Variants in MIPOL1 observed in about 807,000 individuals in gnomAD.
MIPOL1 encodes mirror-image polydactyly gene 1 protein.
Under a neutral mutation model 60.9 loss-of-function variants are expected in MIPOL1, and 57 were observed. The observed-to-expected ratio is 0.94, with a 90% CI of 0.76 to 1.17. The LOEUF is 1.17. MIPOL1 is among the 50% of genes most tolerant of loss of function. The pLI is 0.00. For missense variants in MIPOL1, 551 were observed against 511.6 expected, an observed-to-expected ratio of 1.08 and a Z score of -0.74; for synonymous variants, 179 against 168.8, an observed-to-expected ratio of 1.06 and a Z score of -0.47.
intron 12 of MIPOL1, among the ~76,000 whole-genome samples, chr14:37,532,451 T>C (rs1417418766): frequency 2.6e-5 from 4 of 152,204 alleles, no homozygotes; most frequent in African/African-American, 9.6e-5. Flanking sequence ...TTTCAAGTCA[T>C]CTATGGTGCT....
At chr14:37,384,234 G>A (rs1363711818) in intron 10 of MIPOL1, among the ~76,000 whole-genome samples, 2 of 151,874 alleles carry the variant, frequency 1.3e-5, no homozygotes, top group African/African-American at 4.8e-5. Flanking sequence ...GCAATGCATG[G>A]ATGGATCTGA....
At chr14:37,481,900 T>C (rs778246508) in intron 11 of MIPOL1, among the ~76,000 whole-genome samples, 3 of 152,132 alleles carry the variant, frequency 2.0e-5, no homozygotes, top group African/African-American at 7.2e-5. Context: ...AAAAATGCAG[T>C]TGGACCCTTA....
chr14:37,472,950 GC>G (rs2094711681), intron 11 of MIPOL1, among the ~76,000 whole-genome samples: 1 of 152,060 alleles, frequency 6.6e-6, no homozygotes, highest in African/African-American at 2.4e-5. Flanking sequence ...ATTGTAACAG[GC>G]ATAACTGAAT....
intron 12 of MIPOL1, among the ~76,000 whole-genome samples, chr14:37,542,628 C>G (rs1338838455): frequency 6.6e-6 from 1 of 152,156 alleles, no homozygotes; most frequent in Non-Finnish European, 1.5e-5. Flanking sequence ...TCCTTCAACA[C>G]TTAGGCATCA....
rs1368267858 is a variant in MIPOL1, at chr14:37,547,035, CTG to C, written c.*68_*69del. On this transcript the variant is annotated 3_prime_UTR_variant, in exon 13 of 13. Coordinates refer to ENST00000684589, the MANE Select transcript of MIPOL1 (RefSeq NM_001388067.1). Reference sequence around the variant, plus strand: ...GGTGACCAGGCTGCTTCATTCAACACTGTGTAAACACCAAAGCCTTAACTTAG... The same window carrying C: ...GGTGACCAGGCTGCTTCATTCAACACTGTAAACACCAAAGCCTTAACTTAG... 1 of 1,376,540 alleles carries C rather than the reference CTG, an allele frequency of 7.3e-7. No individual in the cohort carries two copies. The highest frequency in any genetic ancestry group is 1.0e-6 in the Non-Finnish European group (1 of 967,408). 85.3% of individuals were successfully genotyped at this position (1,376,540 alleles called of 1,614,324 possible).
intron 9 of MIPOL1, among the ~76,000 whole-genome samples, chr14:37,318,598 C>A (rs1271275513): frequency 6.6e-6 from 1 of 151,706 alleles, no homozygotes; most frequent in Non-Finnish European, 1.5e-5. Flanking sequence ...TTTACAACTT[C>A]TTGAAAGTAT....
At chr14:37,462,614 AC>A (rs2094552741) in intron 11 of MIPOL1, among the ~76,000 whole-genome samples, 1 of 152,136 alleles carries the variant, frequency 6.6e-6, no homozygotes, top group African/African-American at 2.4e-5. Flanking sequence ...CTTTAACAGC[AC>A]CCAAGTCACC....
At chr14:37,278,121 A>G (rs1013484519) in intron 6 of MIPOL1, 1 of 151,610 alleles carries the variant, frequency 6.6e-6, no homozygotes, top group Admixed American at 6.6e-5. Context: ...AAAAAAACAA[A>G]TAGTCTGGTC....
chr14:37,325,422 A>G (rs1013615485), intron 9 of MIPOL1, among the ~76,000 whole-genome samples: 1 of 151,924 alleles, frequency 6.6e-6, no homozygotes, highest in Non-Finnish European at 1.5e-5. Flanking sequence ...AGGAATTTCA[A>G]TTTTGTTATT....
chr14:37,318,520 G>A (rs1168136357), intron 9 of MIPOL1, among the ~76,000 whole-genome samples: 1 of 151,970 alleles, frequency 6.6e-6, no homozygotes, highest in Non-Finnish European at 1.5e-5. Context: ...ATGTTTTTCA[G>A]TCAGTCTTGC....
At chr14:37,359,761 C>T (rs182129648) in intron 9 of MIPOL1, among the ~76,000 whole-genome samples, 27 of 151,906 alleles carry the variant, frequency 1.8e-4, no homozygotes, top group Non-Finnish European at 8.8e-5. Context: ...TATACAATCA[C>T]GTAATCTGCA....
chr14:37,436,689 A>AT (rs2094168447), intron 11 of MIPOL1, among the ~76,000 whole-genome samples: 1 of 152,188 alleles, frequency 6.6e-6, no homozygotes, highest in Non-Finnish European at 1.5e-5. Context: ...ATCCGTCAGT[A>AT]TTTTTAAGAC....
intron 10 of MIPOL1, among the ~76,000 whole-genome samples, chr14:37,392,680 T>C (rs1005101555): frequency 7.2e-5 from 11 of 152,188 alleles, no homozygotes; most frequent in Non-Finnish European, 1.5e-4. Flanking sequence ...CCTTTATCCC[T>C]GTGAGAAAGT....
chr14:37,353,965 C>A (rs1388854812), intron 9 of MIPOL1, among the ~76,000 whole-genome samples: 1 of 151,762 alleles, frequency 6.6e-6, no homozygotes, highest in East Asian at 1.9e-4. Context: ...AATGTGTTTG[C>A]TCTTGCTTTT....
chr14:37,540,871 C>T (rs2095526993), intron 12 of MIPOL1, among the ~76,000 whole-genome samples: 1 of 152,188 alleles, frequency 6.6e-6, no homozygotes, highest in African/African-American at 2.4e-5. Context: ...CTTCTGCATC[C>T]ATGTAAAACT....
chr14:37,469,164 AT>A (rs2094642407), intron 11 of MIPOL1, among the ~76,000 whole-genome samples: 1 of 152,190 alleles, frequency 6.6e-6, no homozygotes, highest in African/African-American at 2.4e-5. Context: ...AGACTGGGTA[AT>A]TTATAAAAAA....
intron 10 of MIPOL1, among the ~76,000 whole-genome samples, chr14:37,390,045 T>A (rs1351817621): frequency 2.0e-5 from 3 of 151,702 alleles, no homozygotes; most frequent in African/African-American, 4.8e-5. Flanking sequence ...ACTACAAAAA[T>A]ATATATATGT....
chr14:37,521,149 C>G (rs951030429), intron 12 of MIPOL1, among the ~76,000 whole-genome samples: 1 of 151,706 alleles, frequency 6.6e-6, no homozygotes, highest in East Asian at 1.9e-4. Context: ...GTTGGCCTGG[C>G]TGGTCTTGAA....
chr14:37,221,980 A>AAAAT (rs150353776), intron 1 of MIPOL1, among the ~76,000 whole-genome samples: 2,893 of 151,524 alleles, frequency 0.019, 78 homozygotes, highest in African/African-American at 0.064. Flanking sequence ...ATCAAATAGA[A>AAAAT]AAATAAATAA....
Sources: allele counts gnomAD v4.1 joint callset (sites outside exome capture counted in the v4.1 genomes callset), GRCh38; gene constraint gnomAD v4.1.1; transcripts MANE v1.5; gene names NCBI Gene and HGNC (gene_info 2026-07-23, HGNC 2026-07-21).